Variants in PNPLA6 observed in about 807,000 individuals in gnomAD.
PNPLA6 encodes patatin-like phospholipase domain-containing protein 6.
A neutral mutation model predicts 153.7 loss-of-function variants in PNPLA6; 105 were observed. The ratio of observed to expected loss-of-function variants is 0.68; its 90% CI spans 0.58 to 0.80. The LOEUF (loss-of-function observed/expected upper bound fraction) is 0.80, where lower values mean the gene tolerates loss of function less well. Among genes scored for constraint, PNPLA6 ranks in the 30% least tolerant of loss-of-function variants. The pLI is 0.00. For missense variants in PNPLA6, 1,423 were observed against 1,919.3 expected (o/e 0.74, Z 4.83); for synonymous variants, 825 against 822.2 (o/e 1.00, Z -0.06).
intron 13 of PNPLA6, among the ~76,000 whole-genome samples, chr19:7,548,876 C>G (rs1432261194): frequency 2.0e-5 from 3 of 147,958 alleles, no homozygotes; most frequent in Non-Finnish European, 4.4e-5. Flanking sequence ...GATCTCGGCT[C>G]ACTGCAAGCT....
At position 7,541,115 on chromosome 19, in the gene PNPLA6, G is replaced by A. The variant is rs1430109729; in HGVS notation, c.924+64G>A. Reference sequence around the variant, plus strand: ...CCCACCCTGGCCCCCACCCATTCCAGGCTCCAAGGGACCGAGGCCCAGCAG... The same window carrying A: ...CCCACCCTGGCCCCCACCCATTCCAAGCTCCAAGGGACCGAGGCCCAGCAG... On this transcript the variant is annotated intron_variant, in intron 7 of 31. Transcript: ENST00000600737. The surrounding 1 kb of genome is among the most constrained non-coding windows in gnomAD (Gnocchi z 5.2). 2.0e-6 allele frequency: 3 copies of A among 1,526,226 alleles called. No individual in the cohort carries two copies. The highest frequency in any genetic ancestry group is 1.8e-5 in the Admixed American group (1 of 54,300). The allele number at this position is 1,526,226 out of a possible 1,614,324, so 94.5% of individuals were successfully genotyped here. A position where few individuals can be genotyped will look rare whatever the true frequency, so the allele number is the denominator to read the frequency against.
At position 7,541,867 on chromosome 19, in the gene PNPLA6, G is replaced by C. The variant is rs936902902; in HGVS notation, c.1169-117G>C. 4.5e-6 allele frequency: 5 copies of C among 1,114,744 alleles called. No homozygotes were observed. Among genetic ancestry groups the C allele is most frequent in the Non-Finnish European group, 6.7e-6 (5 of 745,280 alleles). The allele number at this position is 1,114,744 out of a possible 1,614,324, so 69.1% of individuals were successfully genotyped here. On this transcript the variant is annotated intron_variant, in intron 9 of 31. Coordinates refer to ENST00000600737, the MANE Select transcript of PNPLA6 (RefSeq NM_001166114.2). This position sits in a 1 kb window ranked among gnomAD's most constrained non-coding sequence, Gnocchi z 5.2. ...GAGGAAGCTGTGGCCTCGTCCCCAA[G>C]GGCCCATTGGAATTGCTTTAACTAG...
intron 18 of PNPLA6, among the ~76,000 whole-genome samples, 190 bp downstream of exon 18, chr19:7,551,627 G>T (rs1045082267): frequency 3.9e-5 from 6 of 152,182 alleles, no homozygotes; most frequent in African/African-American, 1.4e-4. Context: ...TCGTGTTCCT[G>T]AGCATGCTGG....
chr19:7,542,138 G>T (rs993020917), intron 10 of PNPLA6, 71 bp downstream of exon 10: 3 of 1,208,310 alleles, frequency 2.5e-6, no homozygotes, highest in East Asian at 4.7e-5. Flanking sequence ...CCGCCTGCCT[G>T]TCTTGATTGT....
chr19:7,541,206 C>A lies in PNPLA6; in HGVS notation c.925-148C>A. The A allele has an allele frequency of 2.8e-6, 3 of 1,089,456 alleles. No individual in the cohort carries two copies. Among genetic ancestry groups the A allele is most frequent in the South Asian group, 1.3e-5 (1 of 74,542 alleles). The allele number at this position is 1,089,456 out of a possible 1,614,324, so 67.5% of individuals were successfully genotyped here. On this transcript the variant is annotated intron_variant, in intron 7 of 31. Transcript: ENST00000600737. This position sits in a 1 kb window ranked among gnomAD's most constrained non-coding sequence, Gnocchi z 5.2. Reference sequence around the variant, plus strand: ...CAGATGTCTGCAGCCGCGGACTCCTCCCTTAGCTGCCTCGCCCCATTTCCC... The same window carrying A: ...CAGATGTCTGCAGCCGCGGACTCCTACCTTAGCTGCCTCGCCCCATTTCCC...
Position 7,556,348 on chromosome 19 carries a change from C to T in PNPLA6, c.3094-105C>T, listed in dbSNP as rs485232. 9,519 of 791,710 alleles carry T rather than the reference C, an allele frequency of 0.012. 94 individuals are homozygous for T. The highest frequency in any genetic ancestry group is 0.032 in the African/African-American group (1,881 of 59,572). 49.0% of individuals were successfully genotyped at this position (791,710 alleles called of 1,614,324 possible). ...AAGTGCTGGGATTACCAGTGTGAGCCGCTGCACCTGGCCCCTAAGTGCTGC... is the reference window on the plus strand; with the variant it reads ...AAGTGCTGGGATTACCAGTGTGAGCTGCTGCACCTGGCCCCTAAGTGCTGC... On this transcript the variant is annotated intron_variant, in intron 24 of 31. Transcript: ENST00000600737.
Position 7,560,760 on chromosome 19 carries a change from C to T in PNPLA6, c.3812C>T (p.Ala1271Val), listed in dbSNP as rs916917326. The T allele has an allele frequency of 1.9e-6, 3 of 1,594,760 alleles. No individual in the cohort carries two copies. In the Admixed American group the frequency reaches 5.0e-5, roughly 27 times the overall value. Residue 1271 changes from alanine to valine, a missense_variant, in exon 29 of 32, where the codon GCA becomes GTA. Physicochemically the swap from Ala to Val is moderately conservative, Grantham distance 64. Transcript: ENST00000600737. ...RSTDLNESRR[A>V]DVLAFPSSGF... ...ACAGACCTTAATGAGAGCCGCCGTG[C>T]AGACGTAAGCCTGTGATGCCCCCAG...
rs2023086052 is a variant in PNPLA6, at chr19:7,540,568, GGGGGCGACAT to G, written c.715-60_715-51del. On this transcript the variant is annotated intron_variant, in intron 5 of 31. Coordinates refer to ENST00000600737, the MANE Select transcript of PNPLA6 (RefSeq NM_001166114.2). The surrounding 1 kb of genome is among the most constrained non-coding windows in gnomAD (Gnocchi z 6.8). ...TGTCAGTGATCATTGGGATGGATGA[GGGGGCGACAT>G]GCCAGTCACCAGGGCGAGGCCACTG... is the stretch of plus-strand genomic sequence containing the variant. The G allele has an allele frequency of 7.7e-7, 1 of 1,301,406 alleles. No homozygotes were observed. The highest frequency in any genetic ancestry group is 1.1e-6 in the Non-Finnish European group (1 of 894,968). The allele number at this position is 1,301,406 out of a possible 1,614,324, so 80.6% of individuals were successfully genotyped here. A position where few individuals can be genotyped will look rare whatever the true frequency, so the allele number is the denominator to read the frequency against.
At position 7,556,635 on chromosome 19, in the gene PNPLA6, C is replaced by T. The variant is rs764750911; in HGVS notation, c.3211-20C>T. 2.5e-6 allele frequency: 4 copies of T among 1,609,652 alleles called. No individual in the cohort carries two copies. In the Admixed American group the frequency reaches 5.0e-5, roughly 20 times the overall value. ...GAGGAGCCCCCTGCTCCTCCCCCAC[C>T]TCGATCCCTGTCCCCGCAGGACCTG... is the stretch of plus-strand genomic sequence containing the variant. On this transcript the variant is annotated intron_variant, in intron 25 of 31. Coordinates refer to ENST00000600737, the MANE Select transcript of PNPLA6 (RefSeq NM_001166114.2).
At chr19:7,535,529 G>A, upstream of PNPLA6, 4 of 1,595,470 alleles carry the variant, frequency 2.5e-6, no homozygotes, top group Non-Finnish European at 2.6e-6. This position sits in a 1 kb window ranked among gnomAD's most constrained non-coding sequence, Gnocchi z 5.0. Flanking sequence ...TACCAGATCG[G>A]CCGTCCAGCT....
At chr19:7,545,217 G>T (rs1308599663) in intron 13 of PNPLA6, among the ~76,000 whole-genome samples, 1 of 152,002 alleles carries the variant, frequency 6.6e-6, no homozygotes, top group Non-Finnish European at 1.5e-5. Flanking sequence ...ACTAGAGATG[G>T]GGTTTCACCA....
chr19:7,547,174 G>C (rs601066), intron 13 of PNPLA6, among the ~76,000 whole-genome samples: 100,174 of 151,898 alleles, frequency 0.66, 33,845 homozygotes, highest in South Asian at 0.78. Context: ...CAAAGTGCTG[G>C]GATTACAGAT....
intron 18 of PNPLA6, 107 bp downstream of exon 18, chr19:7,551,544 C>T: frequency 1.0e-6 from 1 of 981,090 alleles, no homozygotes; most frequent in Non-Finnish European, 1.6e-6. Context: ...TGGAGTTCCG[C>T]GAAGAAATCG....
Position 7,545,591 on chromosome 19 carries a change from C to T in PNPLA6, c.1608+2507C>T, listed in dbSNP as rs556540105. On this transcript the variant is annotated intron_variant, in intron 13 of 31. Coordinates refer to ENST00000600737, the MANE Select transcript of PNPLA6 (RefSeq NM_001166114.2). ...TGTTTACCCAGCATTTGCCCCATCT[C>T]GAACTGTGTGCTGCTGGCTGGACAA... is the stretch of plus-strand genomic sequence containing the variant. 2.6e-5 allele frequency among the ~76,000 whole-genome samples: 4 copies of T among 152,208 alleles called. No homozygotes were observed. In the South Asian group the frequency reaches 8.3e-4, roughly 32 times the overall value.
In PNPLA6 at chr19:7,550,412, G is replaced by A. The variant is rs1285304759; in HGVS notation, c.1929G>A (p.Ala643=). 2 of 1,611,326 alleles carry A rather than the reference G, an allele frequency of 1.2e-6. No homozygotes were observed. Among genetic ancestry groups the A allele is most frequent in the African/African-American group, 1.3e-5 (1 of 74,950 alleles). The change falls in exon 15 of 32, where the codon GCG becomes GCA. Residue 643 remains alanine (A), a synonymous_variant. Transcript: ENST00000600737. ...DFAIDWTAVE[A]GRALYRQGDR... is the part of the protein sequence containing the mutation. ...CCATCGACTGGACTGCAGTGGAGGC[G>A]GGACGCGCGCTGTACAGGTGCAGCT...
In PNPLA6 at chr19:7,561,492, A is replaced by T. The variant is rs2024099174; in HGVS notation, c.4028A>T (p.Glu1343Val). 2 of 1,606,388 alleles carry T rather than the reference A, an allele frequency of 1.2e-6. No individual in the cohort carries two copies. The highest frequency in any genetic ancestry group is 1.3e-5 in the African/African-American group (1 of 74,896). Residue 1343 changes from glutamate (E) to valine (V), a missense_variant, in exon 32 of 32, where the codon GAG (glutamate) becomes GTG (valine). Glu to Val is a moderately radical substitution (Grantham distance 121). This residue lies in a region of PNPLA6 where 643 missense variants were observed against 835.2 expected (regional missense o/e 0.77). Coordinates refer to ENST00000600737, the MANE Select transcript of PNPLA6 (RefSeq NM_001166114.2). Reference protein sequence around the residue: ...ASPSTASEMEEEKSILRQRRC... With the variant: ...ASPSTASEMEVEKSILRQRRC... ...GTGTGTGACCTTCCCTCGCAGGAGG[A>T]GGAGAAGTCGATTCTCCGGCAACGA...
At chr19:7,539,297 G>A (rs2146047133) in intron 3 of PNPLA6, among the ~76,000 whole-genome samples, 1 of 152,264 alleles carries the variant, frequency 6.6e-6, no homozygotes. Context: ...GGCCAACATG[G>A]GGAAACCTCA....
At chr19:7,549,796 T>G in intron 13 of PNPLA6, 111 bp from the exon 14 acceptor site, 1 of 1,124,370 alleles carries the variant, frequency 8.9e-7, no homozygotes, top group Non-Finnish European at 1.3e-6. Flanking sequence ...GCCTTCATAT[T>G]TTTCTTAACC....
chr19:7,554,072 G>A (rs974199032), intron 19 of PNPLA6, 57 bp downstream of exon 19: 1 of 1,604,168 alleles, frequency 6.2e-7, no homozygotes, highest in Non-Finnish European at 8.5e-7. Flanking sequence ...ATTAGTGAGT[G>A]AGAGATGTTA....
Sources: gnomAD v4.1 joint callset for allele counts (sites outside exome capture counted in the v4.1 genomes callset) on GRCh38, gnomAD v4.1.1 for gene constraint, gnomAD v4.1.1 regional missense constraint, Gnocchi (gnomAD v3.1) non-coding constraint, MANE v1.5 for transcripts, NCBI Gene and HGNC (gene_info 2026-07-23, HGNC 2026-07-21) for gene names.